RAB3C: variants seen among roughly 807,000 people sequenced by gnomAD.
The protein encoded by RAB3C is ras-related protein Rab-3C.
RAB3C carries 17 observed loss-of-function variants against 26.4 expected under a neutral mutation model. The observed-to-expected ratio is 0.64, with a 90% CI of 0.44 to 0.97. The LOEUF (loss-of-function observed/expected upper bound fraction) is 0.97. RAB3C is among the 50% of genes least tolerant of loss of function. RAB3C has a pLI of 0.00. For missense variants in RAB3C, 242 were observed against 281.9 expected, an observed-to-expected ratio of 0.86 and a Z score of 1.01; for synonymous variants, 91 against 95.9, an observed-to-expected ratio of 0.95 and a Z score of 0.30.
intron 2 of RAB3C, among the ~76,000 whole-genome samples, chr5:58,636,977 C>T (rs1284288367): frequency 6.6e-6 from 1 of 151,748 alleles, no homozygotes; most frequent in East Asian, 1.9e-4. Flanking sequence ...AGGAAAGAAA[C>T]TTTTAATAAT....
At chr5:58,685,425 G>T (rs139660956) in intron 2 of RAB3C, among the ~76,000 whole-genome samples, 1 of 151,790 alleles carries the variant, frequency 6.6e-6, no homozygotes, top group Non-Finnish European at 1.5e-5. Flanking sequence ...ACTTTCTGTC[G>T]CCCACTTAAA....
chr5:58,647,370 T>G, intron 2 of RAB3C, among the ~76,000 whole-genome samples: 1 of 150,530 alleles, frequency 6.6e-6, no homozygotes, highest in African/African-American at 2.4e-5. Context: ...GAGAGAAGAG[T>G]GAGAAAAGGA....
At chr5:58,776,627 T>A (rs552118022) in intron 3 of RAB3C, among the ~76,000 whole-genome samples, 1 of 152,252 alleles carries the variant, frequency 6.6e-6, no homozygotes, top group African/African-American at 2.4e-5. Context: ...CTTTTTTCTC[T>A]GCGATATTGC....
At chr5:58,675,655 CT>C (rs1748211025) in intron 2 of RAB3C, among the ~76,000 whole-genome samples, 1 of 136,400 alleles carries the variant, frequency 7.3e-6, no homozygotes, top group South Asian at 2.4e-4. Context: ...CAGCAAATGA[CT>C]GCTAAAGGAA....
At chr5:58,766,010 A>G (rs1322194704) in intron 3 of RAB3C, among the ~76,000 whole-genome samples, 1 of 152,040 alleles carries the variant, frequency 6.6e-6, no homozygotes, top group Non-Finnish European at 1.5e-5. Flanking sequence ...ACCTTCTGCC[A>G]TAATTATGCA....
intron 2 of RAB3C, among the ~76,000 whole-genome samples, chr5:58,712,612 C>T (rs1749084592): frequency 6.6e-6 from 1 of 152,164 alleles, no homozygotes; most frequent in South Asian, 2.1e-4. Context: ...TCAACCTCTG[C>T]CTCCCGGGTT....
At chr5:58,669,124 T>A (rs1296368766) in intron 2 of RAB3C, among the ~76,000 whole-genome samples, 1 of 152,040 alleles carries the variant, frequency 6.6e-6, no homozygotes, top group Non-Finnish European at 1.5e-5. Context: ...ACATTGAGAG[T>A]CAGGGCTCAA....
At position 58,734,394 on chromosome 5, in the gene RAB3C, C is replaced by T. The variant is rs1049129663; in HGVS notation, c.371+8274C>T. 2.6e-5 allele frequency among the ~76,000 whole-genome samples: 4 copies of T among 152,270 alleles called. No homozygotes were observed. In the East Asian group the frequency reaches 7.7e-4, roughly 29 times the overall value. On this transcript the variant is annotated intron_variant, in intron 3 of 4. Coordinates refer to ENST00000282878, the MANE Select transcript of RAB3C (RefSeq NM_138453.4). ...CAACTAAAAGGTCAGTTCTGTGTCA[C>T]AGCTCAGAGGGGGCAGTGGTGGGAT...
intron 3 of RAB3C, among the ~76,000 whole-genome samples, chr5:58,735,602 G>A (rs1237773150): frequency 6.6e-6 from 1 of 152,186 alleles, no homozygotes; most frequent in Non-Finnish European, 1.5e-5. Flanking sequence ...CTTTCTGAGG[G>A]TTCTGAGGGA....
At chr5:58,670,343 C>T (rs539486369) in intron 2 of RAB3C, among the ~76,000 whole-genome samples, 1 of 151,902 alleles carries the variant, frequency 6.6e-6, no homozygotes, top group African/African-American at 2.4e-5. Flanking sequence ...AGCTTTGGCT[C>T]ATATATAATT....
chr5:58,750,756 C>G lies in RAB3C; in HGVS notation c.371+24636C>G, dbSNP rs148462316. ...TTACCTTATGTTGTTTATTGTAATTCATTTCTTCATTTTAAAAGAAGGATG... is the reference window on the plus strand; with the variant it reads ...TTACCTTATGTTGTTTATTGTAATTGATTTCTTCATTTTAAAAGAAGGATG... On this transcript the variant is annotated intron_variant, in intron 3 of 4. Coordinates refer to ENST00000282878, the MANE Select transcript of RAB3C (RefSeq NM_138453.4). Among the ~76,000 whole-genome samples, 795 of 152,226 alleles carry G rather than the reference C, an allele frequency of 5.2e-3. 4 individuals carry two copies. The highest frequency in any genetic ancestry group is 0.01 in the South Asian group (49 of 4,816).
chr5:58,637,052 TG>T (rs1288580692), intron 2 of RAB3C, among the ~76,000 whole-genome samples: 1 of 151,710 alleles, frequency 6.6e-6, no homozygotes, highest in Non-Finnish European at 1.5e-5. Context: ...ATGGAAAGAA[TG>T]GGCATGTTGA....
At chr5:58,705,446 T>C (rs1214355388) in intron 2 of RAB3C, among the ~76,000 whole-genome samples, 2 of 152,198 alleles carry the variant, frequency 1.3e-5, no homozygotes, top group Admixed American at 1.3e-4. Context: ...TGGCTTTCTT[T>C]TATGAATTCT....
intron 2 of RAB3C, among the ~76,000 whole-genome samples, chr5:58,699,549 G>A (rs996609950): frequency 2.0e-5 from 3 of 152,214 alleles, no homozygotes; most frequent in Non-Finnish European, 4.4e-5. Context: ...GCTGCCTTTT[G>A]TTCACCTATG....
intron 2 of RAB3C, among the ~76,000 whole-genome samples, chr5:58,697,458 G>A (rs924966642): frequency 6.6e-5 from 10 of 152,178 alleles, no homozygotes; most frequent in African/African-American, 2.4e-4. Flanking sequence ...GCAGAGCTGA[G>A]TTCAGGTCCT....
intron 4 of RAB3C, among the ~76,000 whole-genome samples, chr5:58,835,259 C>T (rs771925327): frequency 2.0e-5 from 3 of 152,172 alleles, no homozygotes; most frequent in Non-Finnish European, 4.4e-5. Flanking sequence ...TGGCACATCG[C>T]TATTTTACTA....
intron 4 of RAB3C, among the ~76,000 whole-genome samples, chr5:58,843,125 G>C (rs1164164159): frequency 6.6e-6 from 1 of 152,164 alleles, no homozygotes; most frequent in Admixed American, 6.5e-5. Flanking sequence ...TACAGGATTA[G>C]AAAATAAATG....
chr5:58,677,431 T>C (rs1748251900), intron 2 of RAB3C, among the ~76,000 whole-genome samples: 1 of 152,196 alleles, frequency 6.6e-6, no homozygotes, highest in Non-Finnish European at 1.5e-5. Context: ...TTTGTTGTTT[T>C]AGTTTGTTTA....
At chr5:58,763,257 T>C (rs927428369) in intron 3 of RAB3C, among the ~76,000 whole-genome samples, 1 of 152,172 alleles carries the variant, frequency 6.6e-6, no homozygotes, top group African/African-American at 2.4e-5. Context: ...TGATAATCAA[T>C]TTAGAGCCAT....
Sources: gnomAD v4.1 joint callset for allele counts (sites outside exome capture counted in the v4.1 genomes callset) on GRCh38, gnomAD v4.1.1 for gene constraint, MANE v1.5 for transcripts, NCBI Gene and HGNC (gene_info 2026-07-23, HGNC 2026-07-21) for gene names.